KCNJ6: variants seen among roughly 807,000 people sequenced by gnomAD.
KCNJ6 encodes the protein potassium inwardly rectifying channel subfamily J member 6.
A neutral mutation model predicts 34.2 loss-of-function variants in KCNJ6; 9 were observed. That is an observed-to-expected ratio of 0.26 (90% CI 0.16 to 0.46). The LOEUF (loss-of-function observed/expected upper bound fraction) is 0.46, where lower values mean the gene tolerates loss of function less well. KCNJ6 is among the 20% of genes least tolerant of loss of function. The pLI is 1.00. For synonymous variants in KCNJ6, 196 were observed against 207.1 expected (o/e 0.95, Z 0.46); for missense variants, 236 against 531.3 (o/e 0.44, Z 5.46).
chr21:37,818,899 T>C (rs2055360779), intron 2 of KCNJ6, among the ~76,000 whole-genome samples: 2 of 70,426 alleles, frequency 2.8e-5, no homozygotes, highest in African/African-American at 1.1e-4. Flanking sequence ...AAATAAGTGG[T>C]TGGATATTAG....
At chr21:37,852,291 A>G (rs997946612) in intron 1 of KCNJ6, among the ~76,000 whole-genome samples, 9 of 152,252 alleles carry the variant, frequency 5.9e-5, no homozygotes, top group Non-Finnish European at 8.8e-5. Flanking sequence ...GGTTCTGGTA[A>G]TAATGAGGTA....
chr21:37,881,238 A>G (rs2055706337), intron 1 of KCNJ6, among the ~76,000 whole-genome samples: 1 of 152,226 alleles, frequency 6.6e-6, no homozygotes, highest in African/African-American at 2.4e-5. Flanking sequence ...ATGTGGAGAA[A>G]GTTGTAGAAA....
chr21:37,731,750 G>A lies in KCNJ6; in HGVS notation c.26-16619C>T, dbSNP rs960224474. On this transcript the variant is annotated intron_variant, in intron 2 of 3. Transcript: ENST00000609713. ...GAGTATAGAGCAACAATCAAGAATC[G>A]AGACCACCAGATACTTCAGGAAGCA... is the stretch of plus-strand genomic sequence containing the variant. 2.6e-5 allele frequency among the ~76,000 whole-genome samples: 4 copies of A among 152,180 alleles called. No individual in the cohort carries two copies. In the East Asian group the frequency reaches 5.8e-4, roughly 22 times the overall value.
At chr21:37,775,206 T>A (rs1294032135) in intron 2 of KCNJ6, among the ~76,000 whole-genome samples, 1 of 152,162 alleles carries the variant, frequency 6.6e-6, no homozygotes, top group East Asian at 1.9e-4. Flanking sequence ...TGTTTGTTTT[T>A]TTCTTGTAAA....
At chr21:37,783,314 A>G (rs927202787) in intron 2 of KCNJ6, among the ~76,000 whole-genome samples, 1 of 152,158 alleles carries the variant, frequency 6.6e-6, no homozygotes, top group African/African-American at 2.4e-5. Flanking sequence ...CATAATTCCC[A>G]TATGTTGTGG....
At chr21:37,891,878 G>C (rs2055763874) in intron 1 of KCNJ6, among the ~76,000 whole-genome samples, 1 of 152,038 alleles carries the variant, frequency 6.6e-6, no homozygotes, top group Non-Finnish European at 1.5e-5. Flanking sequence ...GGTGGTGCTG[G>C]GCTGGGTGTG....
intron 3 of KCNJ6, among the ~76,000 whole-genome samples, chr21:37,660,734 G>T (rs749796021): frequency 3.3e-5 from 5 of 152,236 alleles, no homozygotes; most frequent in Non-Finnish European, 7.3e-5. Flanking sequence ...CACCAGGGCT[G>T]GAGGGAGCTT....
At chr21:37,885,181 A>T (rs917746385) in intron 1 of KCNJ6, among the ~76,000 whole-genome samples, 1 of 152,034 alleles carries the variant, frequency 6.6e-6, no homozygotes, top group African/African-American at 2.4e-5. Context: ...ACTGAAAATC[A>T]TTTCCTAGGA....
At chr21:37,851,194 G>T (rs1349249433) in intron 1 of KCNJ6, among the ~76,000 whole-genome samples, 1 of 152,178 alleles carries the variant, frequency 6.6e-6, no homozygotes, top group Non-Finnish European at 1.5e-5. Flanking sequence ...GGGAAGTGGT[G>T]TGGTTGCCTG....
chr21:37,709,883 C>T (rs2054742119), intron 3 of KCNJ6, among the ~76,000 whole-genome samples: 1 of 152,194 alleles, frequency 6.6e-6, no homozygotes, highest in Non-Finnish European at 1.5e-5. Flanking sequence ...TTGCCTTCAC[C>T]TATTTCCAGT....
chr21:37,608,545 A>T lies in KCNJ6; in HGVS notation c.*16614T>A, dbSNP rs1023764438. ...TTTCTTCCTCATGAGGCCATTTCTT[A>T]CTGCTTACGCAGAAACTGATCTACT... On this transcript the variant is annotated 3_prime_UTR_variant, in exon 4 of 4. Coordinates refer to ENST00000609713, the MANE Select transcript of KCNJ6 (RefSeq NM_002240.5). 5 of 152,216 alleles carry T rather than the reference A, an allele frequency of 3.3e-5. No homozygotes were observed. Among genetic ancestry groups the T allele is most frequent in the Non-Finnish European group, 5.9e-5 (4 of 68,038 alleles). 9.4% of individuals were successfully genotyped at this position (152,216 alleles called of 1,614,324 possible).
chr21:37,753,609 T>C (rs938558827), intron 2 of KCNJ6, among the ~76,000 whole-genome samples: 1 of 152,228 alleles, frequency 6.6e-6, no homozygotes, highest in Non-Finnish European at 1.5e-5. Flanking sequence ...AGTCTGGAGA[T>C]AGCAGGTCAA....
At chr21:37,748,660 C>T (rs1201756600) in intron 2 of KCNJ6, among the ~76,000 whole-genome samples, 1 of 152,218 alleles carries the variant, frequency 6.6e-6, no homozygotes, top group Non-Finnish European at 1.5e-5. Context: ...GGGTCTTCCG[C>T]TTCTCCCCTT....
chr21:37,616,612 T>TATATATATATATATATAC lies in KCNJ6; in HGVS notation c.*8546_*8547insGTATATATATATATATAT. On this transcript the variant is annotated 3_prime_UTR_variant, in exon 4 of 4. Transcript: ENST00000609713. ...GTACATATATATATATATATATATA[T>TATATATATATATATATAC]ATATGGTTAGACTCTGAACATATAC... is the stretch of plus-strand genomic sequence containing the variant. 1 of 132,370 alleles carries TATATATATATATATATAC rather than the reference T, an allele frequency of 7.6e-6. No individual in the cohort carries two copies. The highest frequency in any genetic ancestry group is 1.6e-5 in the Non-Finnish European group (1 of 62,834). The allele number at this position is 132,370 out of a possible 1,614,324, so 8.2% of individuals were successfully genotyped here. A position where few individuals can be genotyped will look rare whatever the true frequency, so the allele number is the denominator to read the frequency against.
At chr21:37,719,671 CTT>C (rs1415174639) in intron 2 of KCNJ6, 3 of 152,200 alleles carry the variant, frequency 2.0e-5, no homozygotes, top group African/African-American at 4.8e-5. Context: ...CTCCTCCTCT[CTT>C]TTGTTTCTTT....
At chr21:37,740,479 C>A (rs939743993) in intron 2 of KCNJ6, among the ~76,000 whole-genome samples, 4 of 152,194 alleles carry the variant, frequency 2.6e-5, no homozygotes, top group African/African-American at 9.7e-5. Context: ...CATTCTAAAT[C>A]TACCTATAAA....
intron 2 of KCNJ6, among the ~76,000 whole-genome samples, chr21:37,780,435 C>T (rs940706880): frequency 6.6e-6 from 1 of 152,172 alleles, no homozygotes; most frequent in Non-Finnish European, 1.5e-5. Context: ...AAATGTACAA[C>T]ATAGAGTGAA....
At chr21:37,642,015 T>G (rs553175344) in intron 3 of KCNJ6, among the ~76,000 whole-genome samples, 2 of 152,248 alleles carry the variant, frequency 1.3e-5, no homozygotes, top group South Asian at 4.2e-4. Flanking sequence ...GGATGGATGG[T>G]GGTGCCACTG....
intron 3 of KCNJ6, among the ~76,000 whole-genome samples, chr21:37,707,346 T>C (rs1459496007): frequency 6.6e-6 from 1 of 152,222 alleles, no homozygotes; most frequent in Non-Finnish European, 1.5e-5. Flanking sequence ...TACTCTTTCT[T>C]GTTTTTTGCC....
Sources: gnomAD v4.1 joint callset for allele counts (sites outside exome capture counted in the v4.1 genomes callset) on GRCh38, gnomAD v4.1.1 for gene constraint, MANE v1.5 for transcripts, NCBI Gene and HGNC (gene_info 2026-07-23, HGNC 2026-07-21) for gene names.